Variants in PAN3 observed in about 807,000 individuals in gnomAD.
PAN3 encodes the protein poly(A) specific ribonuclease subunit PAN3.
A neutral mutation model predicts 96.2 loss-of-function variants in PAN3; 19 were observed. That is an observed-to-expected ratio of 0.20 (90% CI 0.14 to 0.29). The LOEUF is 0.29. Ranked by LOEUF, PAN3 falls within the 10% of genes least tolerant of loss-of-function variation. The pLI is 1.00. For missense variants in PAN3, 882 were observed against 1,108.1 expected, an observed-to-expected ratio of 0.80 and a Z score of 2.90; for synonymous variants, 433 against 406.6, an observed-to-expected ratio of 1.06 and a Z score of -0.78.
intron 5 of PAN3, among the ~76,000 whole-genome samples, chr13:28,205,871 A>G (rs1879285012): frequency 1.3e-5 from 2 of 151,702 alleles, no homozygotes; most frequent in African/African-American, 4.8e-5. Context: ...TAAAAAAAAA[A>G]AAAAAAGAAA....
At chr13:28,254,847 GA>G (rs1885012938) in intron 6 of PAN3, among the ~76,000 whole-genome samples, 1 of 152,048 alleles carries the variant, frequency 6.6e-6, no homozygotes, top group Non-Finnish European at 1.5e-5. Flanking sequence ...GGAATTTGGA[GA>G]GTTGAGTTTG....
chr13:28,252,629 C>A (rs1884829239), intron 6 of PAN3, among the ~76,000 whole-genome samples: 1 of 152,048 alleles, frequency 6.6e-6, no homozygotes, highest in Non-Finnish European at 1.5e-5. Flanking sequence ...TTTTGAGAAT[C>A]ATTTTTCAAA....
At chr13:28,267,870 G>A (rs919971609) in intron 12 of PAN3, among the ~76,000 whole-genome samples, 4 of 152,140 alleles carry the variant, frequency 2.6e-5, no homozygotes, top group African/African-American at 9.7e-5. Flanking sequence ...AGATTTGGGT[G>A]GGGACGCAGC....
chr13:28,278,572 TA>T (rs967140592), intron 15 of PAN3, among the ~76,000 whole-genome samples: 5 of 152,070 alleles, frequency 3.3e-5, no homozygotes, highest in East Asian at 1.9e-4. Context: ...TTTTCTTTAT[TA>T]AAAAAATGAA....
chr13:28,207,752 A>G (rs973657129), intron 5 of PAN3, among the ~76,000 whole-genome samples: 1 of 152,200 alleles, frequency 6.6e-6, no homozygotes, highest in Non-Finnish European at 1.5e-5. Flanking sequence ...ACATAAACTA[A>G]TATCAATATA....
At chr13:28,229,087 G>A (rs942692012) in intron 6 of PAN3, among the ~76,000 whole-genome samples, 1 of 152,160 alleles carries the variant, frequency 6.6e-6, no homozygotes, top group African/African-American at 2.4e-5. Context: ...AAGCCTGGAA[G>A]TTTCTCCTAT....
At chr13:28,209,572 A>T (rs1879783562) in intron 5 of PAN3, among the ~76,000 whole-genome samples, 1 of 152,114 alleles carries the variant, frequency 6.6e-6, no homozygotes, top group Non-Finnish European at 1.5e-5. Context: ...CCAAATCCCT[A>T]CTGGTAGATA....
rs1175121238 is a variant in PAN3, at chr13:28,292,716, A to G, written c.*194A>G. 3.1e-5 allele frequency: 13 copies of G among 415,192 alleles called. No homozygotes were observed. The highest frequency in any genetic ancestry group is 4.5e-5 in the Admixed American group (1 of 22,392). 25.7% of individuals were successfully genotyped at this position (415,192 alleles called of 1,614,324 possible). A position where few individuals can be genotyped will look rare whatever the true frequency, so the allele number is the denominator to read the frequency against. ...CACTTACCCAAGAGCTATGGCTGCC[A>G]TTGGAGGCTGTTATCTGTGAAGAAT... On this transcript the variant is annotated 3_prime_UTR_variant, in exon 19 of 19. Coordinates refer to ENST00000380958, the MANE Select transcript of PAN3 (RefSeq NM_175854.8).
chr13:28,235,696 TACACACACACAC>T (rs34812975), intron 6 of PAN3, among the ~76,000 whole-genome samples: 2 of 140,630 alleles, frequency 1.4e-5, no homozygotes, highest in Non-Finnish European at 3.0e-5. Context: ...CACACACACA[TACACACACACAC>T]ACACACACAC....
At chr13:28,254,792 C>A (rs1453805815) in intron 6 of PAN3, among the ~76,000 whole-genome samples, 1 of 151,804 alleles carries the variant, frequency 6.6e-6, no homozygotes, top group Non-Finnish European at 1.5e-5. Context: ...ATTTTAATCT[C>A]AATGCAGTAG....
intron 5 of PAN3, among the ~76,000 whole-genome samples, chr13:28,199,256 A>G (rs749064962): frequency 1.3e-5 from 2 of 152,038 alleles, no homozygotes; most frequent in African/African-American, 2.4e-5. Flanking sequence ...ACACTTACCA[A>G]TGCAGAGGTG....
At chr13:28,203,911 C>G (rs1374675610) in intron 5 of PAN3, among the ~76,000 whole-genome samples, 2 of 150,800 alleles carry the variant, frequency 1.3e-5, no homozygotes, top group Non-Finnish European at 2.9e-5. Context: ...TCAAGCGATT[C>G]TCCTGTTTCA....
chr13:28,141,698 C>G (rs1252667929), intron 1 of PAN3, among the ~76,000 whole-genome samples: 1 of 152,108 alleles, frequency 6.6e-6, no homozygotes, highest in Admixed American at 6.5e-5. Context: ...AACTCCTGAT[C>G]TCAGGTGATC....
intron 10 of PAN3, 74 bp downstream of exon 10, chr13:28,266,950 T>A: frequency 7.7e-7 from 1 of 1,297,980 alleles, no homozygotes; most frequent in South Asian, 1.9e-5. Context: ...CTTGAATATA[T>A]TATTTAATAT....
In PAN3 at chr13:28,266,787, A is replaced by G; in HGVS notation, c.1484A>G (p.Gln495Arg). ...CCACTGCCACCTCCCAACCGGATAC[A>G]GAAATCAAGTAATTTTGGATATATT... ...LEPLPPPNRI[Q>R]KSSNFGYITS... The change falls in exon 10 of 19, where the codon CAG (glutamine) becomes CGG (arginine). Residue 495 changes from glutamine to arginine, a missense_variant. By Grantham distance (43) the Gln-to-Arg change is conservative. Transcript: ENST00000380958. The G allele has an allele frequency of 6.2e-7, 1 of 1,610,908 alleles. No homozygotes were observed. Among genetic ancestry groups the G allele is most frequent in the East Asian group, 2.2e-5 (1 of 44,724 alleles).
intron 1 of PAN3, among the ~76,000 whole-genome samples, chr13:28,146,397 C>G (rs1218369956): frequency 6.6e-6 from 1 of 151,806 alleles, no homozygotes; most frequent in Non-Finnish European, 1.5e-5. Context: ...CCTCCTCCCC[C>G]CATAGATCCA....
At chr13:28,289,617 C>T (rs1174262698) in intron 18 of PAN3, among the ~76,000 whole-genome samples, 15 of 152,320 alleles carry the variant, frequency 9.8e-5, no homozygotes, top group African/African-American at 2.4e-4. Context: ...CGCAGTAGCT[C>T]GCGCCTGTAA....
At chr13:28,213,601 A>G (rs916343898) in intron 5 of PAN3, among the ~76,000 whole-genome samples, 1 of 151,858 alleles carries the variant, frequency 6.6e-6, no homozygotes, top group Admixed American at 6.6e-5. Flanking sequence ...TTTGAAACGT[A>G]CTATGGTTAT....
At chr13:28,280,309 T>G in intron 15 of PAN3, 103 bp from the exon 16 acceptor site, 1 of 1,324,388 alleles carries the variant, frequency 7.6e-7, no homozygotes. Context: ...TTTCAAAATT[T>G]TGTGTGCTAA....
Sources: gnomAD v4.1 joint callset for allele counts (sites outside exome capture counted in the v4.1 genomes callset) on GRCh38, gnomAD v4.1.1 for gene constraint, MANE v1.5 for transcripts, NCBI Gene and HGNC (gene_info 2026-07-23, HGNC 2026-07-21) for gene names.